Variants in CCHCR1 observed in about 807,000 individuals in gnomAD.
The protein encoded by CCHCR1 is coiled-coil alpha-helical rod protein 1.
In CCHCR1, 91 loss-of-function variants were observed where a neutral mutation model predicts 114.6. The observed-to-expected ratio is 0.79, with a 90% CI of 0.67 to 0.94. The LOEUF is 0.94. Among genes scored for constraint, CCHCR1 ranks in the 40% least tolerant of loss-of-function variants. The pLI, the probability that CCHCR1 is intolerant of heterozygous loss-of-function variation, is 0.00. For missense variants in CCHCR1, 899 were observed against 1,079.9 expected, an observed-to-expected ratio of 0.83 and a Z score of 2.35; for synonymous variants, 379 against 428.5, an observed-to-expected ratio of 0.88 and a Z score of 1.43.
At position 31,154,782 on chromosome 6, in the gene CCHCR1, C is replaced by T; in HGVS notation, c.515G>A (p.Gly172Glu). 6.2e-7 allele frequency: 1 copy of T among 1,603,742 alleles called. No individual in the cohort carries two copies. The highest frequency in any genetic ancestry group is 8.5e-7 in the Non-Finnish European group (1 of 1,179,434). Residue 172 changes from glycine to glutamate, a missense_variant, in exon 4 of 18, where the codon GGG becomes GAG. Physicochemically the swap from Gly to Glu is moderately conservative, Grantham distance 98. Coordinates refer to ENST00000396268, the MANE Select transcript of CCHCR1 (RefSeq NM_001105564.2). This position sits in a 1 kb window ranked among gnomAD's most constrained non-coding sequence, Gnocchi z 4.1. ...GRRGRSWGLEGSQALSQQAEV... is the reference protein window; with the variant it reads ...GRRGRSWGLEESQALSQQAEV... Reference sequence around the variant, plus strand: ...AGCCTGCTGGCTCAGGGCCTGTGACCCCTCCAGCCCCCAGGACCTTCAAAG... The same window carrying T: ...AGCCTGCTGGCTCAGGGCCTGTGACTCCTCCAGCCCCCAGGACCTTCAAAG...
chr6:31,142,851 G>A (rs1264235605), intron 17 of CCHCR1, 112 bp downstream of exon 17: 1 of 1,489,996 alleles, frequency 6.7e-7, no homozygotes, highest in African/African-American at 1.4e-5. Context: ...GCTAAAAGAG[G>A]CTAAGGGCCT....
intron 10 of CCHCR1, among the ~76,000 whole-genome samples, chr6:31,147,923 A>G (rs1265069): frequency 0.28 from 42,705 of 152,062 alleles, 6,183 homozygotes; most frequent in Middle Eastern, 0.41. Context: ...GGTTGCAGTG[A>G]GCCAAGATTG....
rs56290415 is a variant in CCHCR1 at position 31,155,946 on chromosome 6, T to C, written c.497+785A>G. ...ACAAATGCATGCCACCACAGCCAGC[T>C]AATTATTTTCTGTGGAGACGGAGTC... On this transcript the variant is annotated intron_variant, in intron 3 of 17. Coordinates refer to ENST00000396268, the MANE Select transcript of CCHCR1 (RefSeq NM_001105564.2). 8.3e-3 allele frequency among the ~76,000 whole-genome samples: 1,266 copies of C among 152,316 alleles called. 8 individuals are homozygous for C. The highest frequency in any genetic ancestry group is 0.071 in the Middle Eastern group (21 of 294).
intron 8 of CCHCR1, among the ~76,000 whole-genome samples, chr6:31,148,972 T>G (rs1404687692): frequency 2.0e-5 from 3 of 151,790 alleles, no homozygotes; most frequent in Non-Finnish European, 4.4e-5. Context: ...ACCAACATGG[T>G]GAAAGCCTGT....
At chr6:31,149,410 C>G (rs1330817481) in intron 8 of CCHCR1, 1 of 152,388 alleles carries the variant, frequency 6.6e-6, no homozygotes, top group Non-Finnish European at 1.5e-5. Context: ...CACAGTCTCT[C>G]CGTCACATTA....
chr6:31,150,225 A>G lies in CCHCR1; in HGVS notation c.1213-10T>C. The G allele has an allele frequency of 6.2e-7, 1 of 1,613,730 alleles. No homozygotes were observed. Among genetic ancestry groups the G allele is most frequent in the Non-Finnish European group, 8.5e-7 (1 of 1,179,798 alleles). The stretch of plus-strand genomic sequence containing the variant: ...AATCTGAAGGTTGAACCTGAGGGAG[A>G]AGGAGTGGGAGAAAAGTGTGGGCTC... On this transcript the variant is annotated splice_polypyrimidine_tract_variant and intron_variant, in intron 7 of 17. Coordinates refer to ENST00000396268, the MANE Select transcript of CCHCR1 (RefSeq NM_001105564.2). The surrounding 1 kb of genome is among the most constrained non-coding windows in gnomAD (Gnocchi z 5.3).
intron 4 of CCHCR1, among the ~76,000 whole-genome samples, chr6:31,152,348 G>GT (rs1421879861): frequency 6.8e-6 from 1 of 148,038 alleles, no homozygotes; most frequent in Non-Finnish European, 1.5e-5. Flanking sequence ...TTTTTTGTTT[G>GT]TTTTTTTGGA....
chr6:31,154,336 T>G lies in CCHCR1; in HGVS notation c.801+160A>C, dbSNP rs1180078816. Among the ~76,000 whole-genome samples, 1 of 152,222 alleles carries G rather than the reference T, an allele frequency of 6.6e-6. No homozygotes were observed. The highest frequency in any genetic ancestry group is 1.5e-5 in the Non-Finnish European group (1 of 68,036). On this transcript the variant is annotated intron_variant, in intron 4 of 17. Transcript: ENST00000396268. This position sits in a 1 kb window ranked among gnomAD's most constrained non-coding sequence, Gnocchi z 4.1. ...AATTAAGATAAAAGTACCCAAATTC[T>G]CCATCTTTCTAGGCCATGTGTGTTT...
Position 31,142,714 on chromosome 6 carries a change from A to G in CCHCR1, c.2494T>C (p.Ser832Pro). 1 of 1,607,506 alleles carries G rather than the reference A, an allele frequency of 6.2e-7. No homozygotes were observed. The highest frequency in any genetic ancestry group is 8.5e-7 in the Non-Finnish European group (1 of 1,177,240). ...AGGTCATCGAGCAGGACAGAGAGGGACCCTGGGAAGGAAGACAGCAGATGA... is the reference window on the plus strand; with the variant it reads ...AGGTCATCGAGCAGGACAGAGAGGGGCCCTGGGAAGGAAGACAGCAGATGA... ...AVPTRESIKG[S>P]LSVLLDDLQD... The change falls in exon 18 of 18, where the codon TCC becomes CCC. Residue 832 changes from serine to proline, a missense_variant and splice_region_variant. By Grantham distance (74) the Ser-to-Pro change is moderately conservative. Coordinates refer to ENST00000396268, the MANE Select transcript of CCHCR1 (RefSeq NM_001105564.2).
At position 31,143,971 on chromosome 6, in the gene CCHCR1, A is replaced by C. The variant is rs1280943945; in HGVS notation, c.2168-558T>G. On this transcript the variant is annotated intron_variant, in intron 15 of 17. Transcript: ENST00000396268. The surrounding 1 kb of genome is among the most constrained non-coding windows in gnomAD (Gnocchi z 5.3). ...CTACTTGGGAGGCTGAGCCAGGAGA[A>C]TGGCTTGAACCCGGGAGGCAGAGGT... Among the ~76,000 whole-genome samples the C allele has an allele frequency of 5.3e-5, 8 of 152,140 alleles. No homozygotes were observed. The highest frequency in any genetic ancestry group is 1.2e-4 in the Non-Finnish European group (8 of 68,026).
At chr6:31,152,879 C>T (rs1775447321) in intron 4 of CCHCR1, among the ~76,000 whole-genome samples, 1 of 152,162 alleles carries the variant, frequency 6.6e-6, no homozygotes, top group African/African-American at 2.4e-5. Flanking sequence ...ATCTCTGTGC[C>T]CCAGCCTTCT....
intron 3 of CCHCR1, chr6:31,156,371 C>G (rs1776008714): frequency 3.5e-6 from 1 of 284,060 alleles, no homozygotes; most frequent in Admixed American, 5.4e-5. Flanking sequence ...TAAAGGCTTT[C>G]TTCCATCAGA....
chr6:31,152,827 G>A (rs1775438584), intron 4 of CCHCR1, among the ~76,000 whole-genome samples: 1 of 151,996 alleles, frequency 6.6e-6, no homozygotes, highest in African/African-American at 2.4e-5. Context: ...CCAAAGCCTT[G>A]TGCCCTGGGC....
Position 31,156,827 on chromosome 6 carries a change from T to C in CCHCR1, c.401A>G (p.Asp134Gly). 1 of 1,612,884 alleles carries C rather than the reference T, an allele frequency of 6.2e-7. No individual in the cohort carries two copies. Among genetic ancestry groups the C allele is most frequent in the South Asian group, 1.1e-5 (1 of 91,070 alleles). Residue 134 changes from aspartate (D) to glycine (G), a missense_variant, in exon 3 of 18, where the codon GAT (aspartate) becomes GGT (glycine). Transcript: ENST00000396268. ...GGTGTCTAGCCGCCTCTCTGAGACA[T>C]CTTGATGGCCTGGGGGTTGGACCAG... Reference protein sequence around the residue: ...IPLVQPPGHQDVSERRLDTQR... With the variant: ...IPLVQPPGHQGVSERRLDTQR...
chr6:31,157,177 C>T (rs1373151849), intron 1 of CCHCR1, 88 bp from the exon 2 acceptor site: 2 of 1,196,658 alleles, frequency 1.7e-6, no homozygotes, highest in Non-Finnish European at 2.5e-6. Context: ...AAGTCATAAT[C>T]CTTGAATTAT....
chr6:31,150,857 C>T lies in CCHCR1; in HGVS notation c.969G>A (p.Lys323=). 1.9e-6 allele frequency: 3 copies of T among 1,612,530 alleles called. No individual in the cohort carries two copies. The highest frequency in any genetic ancestry group is 2.5e-6 in the Non-Finnish European group (3 of 1,179,730). The change falls in exon 6 of 18, where the codon AAG becomes AAA. Residue 323 remains lysine (K), a synonymous_variant. Coordinates refer to ENST00000396268, the MANE Select transcript of CCHCR1 (RefSeq NM_001105564.2). The surrounding 1 kb of genome is among the most constrained non-coding windows in gnomAD (Gnocchi z 5.3). ...CCTGAGCCTCCAAGTCTTCCTGGGT[C>T]TTGCTAGGGTTGGGGTGGGAATGGG... The part of the protein sequence containing the change: ...EAELLRKQLS[K]TQEDLEAQVT...
Position 31,145,785 on chromosome 6 carries a change from G to T in CCHCR1, c.1604C>A (p.Thr535Asn). The stretch of plus-strand genomic sequence containing the variant: ...GGCAGCCCCTTCCACCTTAGCCATG[G>T]TGGTCTCGAGCCAGATCTGAGAGCT... ...VSSSQIWLET[T>N]MAKVEGAAAQ... is the part of the protein sequence containing the mutation. The change falls in exon 11 of 18, where the codon ACC becomes AAC. Residue 535 changes from threonine (T) to asparagine (N), a missense_variant. Physicochemically the swap from Thr to Asn is moderately conservative, Grantham distance 65. Coordinates refer to ENST00000396268, the MANE Select transcript of CCHCR1 (RefSeq NM_001105564.2). 6.2e-7 allele frequency: 1 copy of T among 1,612,784 alleles called. No individual in the cohort carries two copies. Among genetic ancestry groups the T allele is most frequent in the Non-Finnish European group, 8.5e-7 (1 of 1,179,760 alleles).
chr6:31,143,162 C>G lies in CCHCR1; in HGVS notation c.2320-28G>C. 1.9e-6 allele frequency: 3 copies of G among 1,611,296 alleles called. No homozygotes were observed. The highest frequency in any genetic ancestry group is 1.3e-5 in the African/African-American group (1 of 75,006). On this transcript the variant is annotated intron_variant, in intron 16 of 17. Transcript: ENST00000396268. The surrounding 1 kb of genome is among the most constrained non-coding windows in gnomAD (Gnocchi z 5.3). ...GGGAAGGAGAGGGTTAAACCTAGCC[C>G]GGATAGAGCCTCCCTCACCATCCTC...
At chr6:31,156,970 G>A (rs1581983054) in intron 2 of CCHCR1, 26 bp from the exon 3 acceptor site, 1 of 1,612,032 alleles carries the variant, frequency 6.2e-7, no homozygotes, top group East Asian at 2.2e-5. Flanking sequence ...AACAAAGATG[G>A]TCAGTTTCCC....
Sources: allele counts gnomAD v4.1 joint callset (sites outside exome capture counted in the v4.1 genomes callset), GRCh38; gene constraint gnomAD v4.1.1; non-coding constraint Gnocchi (gnomAD v3.1); transcripts MANE v1.5; gene names NCBI Gene and HGNC (gene_info 2026-07-23, HGNC 2026-07-21).